LMBRD2: variants seen among roughly 807,000 people sequenced by gnomAD.
The protein encoded by LMBRD2 is G protein-coupled receptor-associated protein LMBRD2.
Under a neutral mutation model 94.4 loss-of-function variants are expected in LMBRD2, and 55 were observed. That is an observed-to-expected ratio of 0.58 (90% CI 0.47 to 0.73). The LOEUF (loss-of-function observed/expected upper bound fraction) is 0.73, where lower values mean the gene tolerates loss of function less well. Among genes scored for constraint, LMBRD2 ranks in the 30% least tolerant of loss-of-function variants. LMBRD2 has a pLI of 0.00. For synonymous variants in LMBRD2, 246 were observed against 272.4 expected (o/e 0.90, Z 0.95); for missense variants, 640 against 831.9 (o/e 0.77, Z 2.84).
intron 1 of LMBRD2, among the ~76,000 whole-genome samples, chr5:36,148,321 T>C (rs948531764): frequency 5.3e-5 from 8 of 151,836 alleles, no homozygotes; most frequent in South Asian, 2.1e-4. Context: ...CCAGGTAACC[T>C]GAATTCCAAA....
Position 36,141,162 on chromosome 5 carries a change from C to T in LMBRD2, c.313G>A (p.Gly105Arg). Residue 105 changes from glycine (G) to arginine (R), a missense_variant, in exon 4 of 18, where the codon GGA becomes AGA. By Grantham distance (125) the Gly-to-Arg change is moderately radical (BLOSUM62 -2). Transcript: ENST00000296603. ...ACCCTCCAGAAAATTGGCATGATTC[C>T]ATCAGGAATGTAACTCCATGGCTTG... ...CFKPWSYIPD[G>R]IMPIFWRVVY... The T allele has an allele frequency of 6.2e-7, 1 of 1,611,498 alleles. No individual in the cohort carries two copies. The highest frequency in any genetic ancestry group is 1.7e-5 in the Admixed American group (1 of 59,836).
intron 13 of LMBRD2, 149 bp downstream of exon 13, chr5:36,114,275 A>T: frequency 2.6e-6 from 2 of 778,132 alleles, no homozygotes; most frequent in Non-Finnish European, 3.6e-6. Flanking sequence ...GCACCTGATC[A>T]CTCAAGTAGT....
chr5:36,108,238 T>C (rs995894357), intron 16 of LMBRD2, among the ~76,000 whole-genome samples: 33 of 152,170 alleles, frequency 2.2e-4, no homozygotes, highest in Non-Finnish European at 4.3e-4. Context: ...AGGTAAGTTG[T>C]AGAAATAAAC....
At position 36,135,361 on chromosome 5, in the gene LMBRD2, G is replaced by T. The variant is rs557955770; in HGVS notation, c.747+948C>A. On this transcript the variant is annotated intron_variant, in intron 6 of 17. Transcript: ENST00000296603. The stretch of plus-strand genomic sequence containing the variant: ...AGGCAAATAGTAAGTCTATATAATT[G>T]TTTACTATAATTATCACCATTACTA... 4.6e-5 allele frequency among the ~76,000 whole-genome samples: 7 copies of T among 152,234 alleles called. No individual in the cohort carries two copies. The East Asian group carries it at 9.6e-4, about 21-fold the overall frequency.
At chr5:36,112,453 C>T (rs1743635069) in intron 13 of LMBRD2, among the ~76,000 whole-genome samples, 1 of 152,096 alleles carries the variant, frequency 6.6e-6, no homozygotes. Flanking sequence ...GGGAATTAGA[C>T]TAATTATGGC....
At position 36,124,345 on chromosome 5, in the gene LMBRD2, T is replaced by C. The variant is rs1453014365; in HGVS notation, c.748-80A>G. The C allele has an allele frequency of 4.7e-5, 35 of 742,790 alleles. No homozygotes were observed. In the Admixed American group the frequency reaches 6.5e-4, roughly 14 times the overall value. 46.0% of individuals were successfully genotyped at this position (742,790 alleles called of 1,614,324 possible). A position where few individuals can be genotyped will look rare whatever the true frequency, so the allele number is the denominator to read the frequency against. ...CCAAATGAGAATGCATTAGGTACTA[T>C]ATATTTTCTCACAAGTTCAACTTCA... On this transcript the variant is annotated intron_variant, in intron 6 of 17. Transcript: ENST00000296603.
intron 4 of LMBRD2, among the ~76,000 whole-genome samples, chr5:36,139,665 G>A (rs1253995017): frequency 6.6e-6 from 1 of 152,186 alleles, no homozygotes; most frequent in Non-Finnish European, 1.5e-5. Context: ...CTACAGATAG[G>A]AGCTATCTAC....
chr5:36,126,749 CCAAA>C (rs1181664399), intron 6 of LMBRD2, among the ~76,000 whole-genome samples: 2 of 152,040 alleles, frequency 1.3e-5, no homozygotes, highest in Non-Finnish European at 2.9e-5. Context: ...CATAAAAATA[CCAAA>C]CAGTTTTTAT....
rs1386262210 is a variant in LMBRD2 at position 36,099,762 on chromosome 5, G to A, written c.*4284C>T. Reference sequence around the variant, plus strand: ...AAAAAGTTAATTTTTCCCAAGGAGTGTGTAAAAAATAAATGTCTTTTAGGA... The same window carrying A: ...AAAAAGTTAATTTTTCCCAAGGAGTATGTAAAAAATAAATGTCTTTTAGGA... On this transcript the variant is annotated 3_prime_UTR_variant, in exon 18 of 18. Coordinates refer to ENST00000296603, the MANE Select transcript of LMBRD2 (RefSeq NM_001007527.2). 3 of 152,140 alleles carry A rather than the reference G, an allele frequency of 2.0e-5. No homozygotes were observed. Among genetic ancestry groups the A allele is most frequent in the African/African-American group, 7.2e-5 (3 of 41,424 alleles). The allele number at this position is 152,140 out of a possible 1,614,324, so 9.4% of individuals were successfully genotyped here.
chr5:36,126,062 T>A (rs1479714111), intron 6 of LMBRD2, among the ~76,000 whole-genome samples: 3 of 152,160 alleles, frequency 2.0e-5, no homozygotes, highest in Admixed American at 2.0e-4. Context: ...ATCAAAGTGA[T>A]CCTAGAAGCC....
At chr5:36,119,183 C>G (rs957786958) in intron 9 of LMBRD2, among the ~76,000 whole-genome samples, 2 of 151,904 alleles carry the variant, frequency 1.3e-5, no homozygotes, top group African/African-American at 2.4e-5. Flanking sequence ...CTTTCAATAC[C>G]CTTATCTCTC....
intron 16 of LMBRD2, 108 bp from the exon 17 acceptor site, chr5:36,105,305 AC>A: frequency 1.1e-6 from 1 of 944,062 alleles, no homozygotes; most frequent in Non-Finnish European, 1.6e-6. Context: ...GAATCTGAAG[AC>A]AAAGAACATA....
chr5:36,123,410 A>G (rs557608278), intron 7 of LMBRD2, among the ~76,000 whole-genome samples: 1 of 152,154 alleles, frequency 6.6e-6, no homozygotes, highest in South Asian at 2.1e-4. Flanking sequence ...CTTATTACCT[A>G]TATGAACTTG....
chr5:36,103,058 T>C lies in LMBRD2; in HGVS notation c.*988A>G, dbSNP rs1008165219. On this transcript the variant is annotated 3_prime_UTR_variant, in exon 18 of 18. Coordinates refer to ENST00000296603, the MANE Select transcript of LMBRD2 (RefSeq NM_001007527.2). ...AACAAGTTATTACACATTTCCATTC[T>C]AATATAGTTTTGTTTTCTATAAACC... 23 of 152,128 alleles carry C rather than the reference T, an allele frequency of 1.5e-4. No individual in the cohort carries two copies. Among genetic ancestry groups the C allele is most frequent in the Admixed American group, 1.1e-3 (17 of 15,216 alleles). The allele number at this position is 152,128 out of a possible 1,614,324, so 9.4% of individuals were successfully genotyped here.
In LMBRD2 at chr5:36,101,401, T is replaced by C. The variant is rs1743343423; in HGVS notation, c.*2645A>G. The C allele has an allele frequency of 6.6e-6, 1 of 151,980 alleles. No individual in the cohort carries two copies. Among genetic ancestry groups the C allele is most frequent in the Non-Finnish European group, 1.5e-5 (1 of 67,878 alleles). 9.4% of individuals were successfully genotyped at this position (151,980 alleles called of 1,614,324 possible). ...AATAATTTGGAAAATTTTAAACTAA[T>C]ACTTATTATCAAGTAATAAAGTCAT... On this transcript the variant is annotated 3_prime_UTR_variant, in exon 18 of 18. Transcript: ENST00000296603.
chr5:36,109,844 GTT>G, intron 15 of LMBRD2, 99 bp downstream of exon 15: 6 of 853,008 alleles, frequency 7.0e-6, no homozygotes, highest in Non-Finnish European at 1.1e-5. Flanking sequence ...TTTTTCCACT[GTT>G]TTTTTCTGTC....
chr5:36,105,942 G>A (rs982615083), intron 16 of LMBRD2, among the ~76,000 whole-genome samples: 6 of 152,108 alleles, frequency 3.9e-5, no homozygotes, highest in East Asian at 1.9e-4. Context: ...ACAGCTTTAT[G>A]CTATAGTTCT....
At chr5:36,122,504 C>T (rs1449272241) in intron 8 of LMBRD2, 41 bp from the exon 9 acceptor site, 4 of 1,531,100 alleles carry the variant, frequency 2.6e-6, no homozygotes, top group Non-Finnish European at 3.6e-6. Flanking sequence ...GTGTTCTGAT[C>T]CAACAGTGGT....
chr5:36,102,277 C>G lies in LMBRD2; in HGVS notation c.*1769G>C, dbSNP rs1251538276. On this transcript the variant is annotated 3_prime_UTR_variant, in exon 18 of 18. Transcript: ENST00000296603. ...CTCACAATGGCTTTGTAAGGTAGAT[C>G]AGCAGGTAAATAGCAAGTATCATCT... The G allele has an allele frequency of 6.6e-6, 1 of 151,844 alleles. No homozygotes were observed. The highest frequency in any genetic ancestry group is 2.1e-4 in the South Asian group (1 of 4,830). 9.4% of individuals were successfully genotyped at this position (151,844 alleles called of 1,614,324 possible).
Sources: gnomAD v4.1 joint callset for allele counts (sites outside exome capture counted in the v4.1 genomes callset) on GRCh38, gnomAD v4.1.1 for gene constraint, MANE v1.5 for transcripts, NCBI Gene and HGNC (gene_info 2026-07-23, HGNC 2026-07-21) for gene names.